The following AGBL4 variants were observed in gnomAD, a reference collection of about 807,000 sequenced individuals.
AGBL4 encodes the protein cytosolic carboxypeptidase 6.
A neutral mutation model predicts 66.4 loss-of-function variants in AGBL4; 58 were observed. The observed-to-expected ratio is 0.87, with a 90% CI of 0.71 to 1.09. The LOEUF (loss-of-function observed/expected upper bound fraction) is 1.09, where lower values mean the gene tolerates loss of function less well. AGBL4 is among the 50% of genes least tolerant of loss of function. The pLI is 0.00. For synonymous variants in AGBL4, 234 were observed against 222.9 expected, an observed-to-expected ratio of 1.05 and a Z score of -0.44; for missense variants, 579 against 631.0, an observed-to-expected ratio of 0.92 and a Z score of 0.88.
Position 48,812,391 on chromosome 1 carries a change from T to C in AGBL4, c.634+54800A>G, listed in dbSNP as rs113402635. On this transcript the variant is annotated intron_variant, in intron 6 of 13. Coordinates refer to ENST00000371839, the MANE Select transcript of AGBL4 (RefSeq NM_032785.4). ...GGTTCTTAATTCACAATAAGGACTC[T>C]GGATCAGATATTCCTATTTCCCCCA... 3.2e-4 allele frequency among the ~76,000 whole-genome samples: 49 copies of C among 152,304 alleles called. 2 individuals carry two copies. Among genetic ancestry groups the C allele is most frequent in the African/African-American group, 1.2e-3 (49 of 41,570 alleles).
chr1:49,618,583 T>C (rs185120485), intron 3 of AGBL4, among the ~76,000 whole-genome samples: 3 of 152,126 alleles, frequency 2.0e-5, no homozygotes, highest in Admixed American at 6.5e-5. Context: ...TTCCAAACAA[T>C]AGAAAAAGAG....
intron 1 of AGBL4, among the ~76,000 whole-genome samples, chr1:49,902,923 T>C (rs1236326741): frequency 4.6e-5 from 7 of 152,206 alleles, no homozygotes; most frequent in Admixed American, 1.3e-4. Flanking sequence ...AGTTCAGCCA[T>C]TGTGGAATGC....
At chr1:49,503,824 T>G (rs1462261225) in intron 3 of AGBL4, among the ~76,000 whole-genome samples, 1 of 152,112 alleles carries the variant, frequency 6.6e-6, no homozygotes, top group Non-Finnish European at 1.5e-5. Flanking sequence ...TAATTTGCTT[T>G]TGGTGGCTCA....
intron 6 of AGBL4, among the ~76,000 whole-genome samples, chr1:48,710,907 G>C (rs320054): frequency 0.87 from 132,461 of 151,648 alleles, 60,559 homozygotes; most frequent in Non-Finnish European, 1. Flanking sequence ...TGGAGCTTCT[G>C]CACATCCGTT....
rs200949507 is a variant in AGBL4 at position 49,344,319 on chromosome 1, G to GA, written c.283-98456dup. ...TAAAACTTAAAGTATAATAATAAAA[G>GA]AAAAAAAAAAGACTACTGGAGAAAC... is the stretch of plus-strand genomic sequence containing the variant. On this transcript the variant is annotated intron_variant, in intron 3 of 13. Coordinates refer to ENST00000371839, the MANE Select transcript of AGBL4 (RefSeq NM_032785.4). Among the ~76,000 whole-genome samples, 22 of 145,192 alleles carry GA rather than the reference G, an allele frequency of 1.5e-4. No individual in the cohort carries two copies. In the East Asian group the frequency reaches 2.4e-3, roughly 16 times the overall value.
At chr1:48,658,914 C>G (rs960025438) in intron 7 of AGBL4, among the ~76,000 whole-genome samples, 8 of 151,970 alleles carry the variant, frequency 5.3e-5, no homozygotes, top group African/African-American at 1.9e-4. Context: ...CAAAATAACC[C>G]TGAGGAGTGA....
intron 1 of AGBL4, among the ~76,000 whole-genome samples, chr1:49,878,505 T>G (rs981798005): frequency 4.6e-5 from 7 of 152,158 alleles, no homozygotes; most frequent in African/African-American, 1.7e-4. Flanking sequence ...TCTACTTTGA[T>G]TGCACTGTGG....
chr1:48,918,273 CTTTA>C (rs1338412106), intron 5 of AGBL4, among the ~76,000 whole-genome samples: 5 of 152,292 alleles, frequency 3.3e-5, no homozygotes, highest in Admixed American at 2.6e-4. Context: ...TGCCTTGTTC[CTTTA>C]TTTGTTTGTT....
intron 11 of AGBL4, among the ~76,000 whole-genome samples, chr1:48,580,408 G>A (rs1047281251): frequency 6.6e-6 from 1 of 152,202 alleles, no homozygotes; most frequent in Non-Finnish European, 1.5e-5. Flanking sequence ...TGAGGGGAAA[G>A]GCTGGGAAGC....
At chr1:49,291,249 C>T (rs1644527698) in intron 3 of AGBL4, among the ~76,000 whole-genome samples, 1 of 152,164 alleles carries the variant, frequency 6.6e-6, no homozygotes, top group South Asian at 2.1e-4. Context: ...TTCACCCATT[C>T]ATTTTCAGAA....
rs552161362 is a variant in AGBL4, at chr1:49,152,726, A to G, written c.377+93044T>C. Among the ~76,000 whole-genome samples, 6 of 152,346 alleles carry G rather than the reference A, an allele frequency of 3.9e-5. No homozygotes were observed. In the East Asian group the frequency reaches 9.7e-4, roughly 25 times the overall value. ...AGCATACCTGTCCCCTATTTCAAAT[A>G]TTCTCTGGAGTTCTGGGAGATGAAC... On this transcript the variant is annotated intron_variant, in intron 4 of 13. Transcript: ENST00000371839.
chr1:49,640,581 T>C (rs1012709177), intron 3 of AGBL4, among the ~76,000 whole-genome samples: 2 of 152,148 alleles, frequency 1.3e-5, no homozygotes, highest in Non-Finnish European at 2.9e-5. Flanking sequence ...CAATTGAAAT[T>C]CTAAAGATGG....
chr1:48,581,807 C>T (rs528662407), intron 11 of AGBL4, among the ~76,000 whole-genome samples: 1 of 152,314 alleles, frequency 6.6e-6, no homozygotes, highest in African/African-American at 2.4e-5. Flanking sequence ...CCTCACTTTA[C>T]AGATGAAGAA....
At chr1:48,953,453 A>T (rs1047247369) in intron 5 of AGBL4, among the ~76,000 whole-genome samples, 1 of 152,200 alleles carries the variant, frequency 6.6e-6, no homozygotes, top group African/African-American at 2.4e-5. Context: ...GGTGTGTCTG[A>T]TTGACGGGGC....
At chr1:48,924,750 GTCATGTGTC>G (rs1166604094) in intron 5 of AGBL4, among the ~76,000 whole-genome samples, 1 of 152,058 alleles carries the variant, frequency 6.6e-6, no homozygotes, top group Non-Finnish European at 1.5e-5. Context: ...CGTGTATGAG[GTCATGTGTC>G]TCATCTCTGA....
intron 1 of AGBL4, among the ~76,000 whole-genome samples, chr1:49,904,901 G>T (rs930661681): frequency 6.6e-6 from 1 of 152,088 alleles, no homozygotes; most frequent in African/African-American, 2.4e-5. Flanking sequence ...ACAGCTGTGG[G>T]GTTGGCCTTT....
chr1:49,415,063 T>C (rs537564246), intron 3 of AGBL4, among the ~76,000 whole-genome samples: 2 of 152,124 alleles, frequency 1.3e-5, no homozygotes, highest in Non-Finnish European at 1.5e-5. Flanking sequence ...AGAAAGTTAA[T>C]AGCAGATCTG....
intron 9 of AGBL4, among the ~76,000 whole-genome samples, chr1:48,612,909 G>A (rs1417716514): frequency 2.0e-5 from 3 of 152,142 alleles, no homozygotes; most frequent in African/African-American, 4.8e-5. Context: ...CAAGGCGGGC[G>A]GATCACCTGA....
In AGBL4 at chr1:48,761,252, AG is replaced by A. The variant is rs1157136658; in HGVS notation, c.635-98012del. ...GATACCAGGGGACATTTACATGGGG[AG>A]AGGAAGCCAGACTGAAACTCTTTAG... is the stretch of plus-strand genomic sequence containing the variant. On this transcript the variant is annotated intron_variant, in intron 6 of 13. Coordinates refer to ENST00000371839, the MANE Select transcript of AGBL4 (RefSeq NM_032785.4). 4 of 1,353,696 alleles carry A rather than the reference AG, an allele frequency of 3.0e-6. No individual in the cohort carries two copies. The African/African-American group carries it at 4.4e-5, about 15-fold the overall frequency. 83.9% of individuals were successfully genotyped at this position (1,353,696 alleles called of 1,614,324 possible).
Sources: allele counts gnomAD v4.1 joint callset (sites outside exome capture counted in the v4.1 genomes callset), GRCh38; gene constraint gnomAD v4.1.1; transcripts MANE v1.5; gene names NCBI Gene and HGNC (gene_info 2026-07-23, HGNC 2026-07-21).